Variants in IQGAP1 observed in about 807,000 individuals in gnomAD.
IQGAP1 encodes ras GTPase-activating-like protein IQGAP1.
In IQGAP1, 66 loss-of-function variants were observed where a neutral mutation model predicts 215.6. The observed-to-expected ratio is 0.31, with a 90% confidence interval of 0.25 to 0.38. The LOEUF is 0.38. IQGAP1 is among the 10% of genes least tolerant of loss of function. The pLI is 1.00. For missense variants in IQGAP1, 1,712 were observed against 1,997.1 expected (o/e 0.86, Z 2.72); for synonymous variants, 772 against 728.7 (o/e 1.06, Z -0.96).
In IQGAP1 at chr15:90,428,075, G is replaced by C. The variant is rs1025259708; in HGVS notation, c.313-1514G>C. ...GGTTTTTTTTGTTGTTGGTTGGTTG[G>C]TTGGTTTTTGTTTTGAGACAGGGAC... On this transcript the variant is annotated intron_variant, in intron 3 of 37. Transcript: ENST00000268182. Among the ~76,000 whole-genome samples, 5 of 152,120 alleles carry C rather than the reference G, an allele frequency of 3.3e-5. No individual in the cohort carries two copies. The East Asian group carries it at 9.7e-4, about 29-fold the overall frequency.
At chr15:90,484,151 T>C in intron 29 of IQGAP1, 69 bp from the exon 30 acceptor site, 1 of 1,432,152 alleles carries the variant, frequency 7.0e-7, no homozygotes, top group Non-Finnish European at 9.7e-7. Flanking sequence ...GAGAGGTTTG[T>C]GAAATGTCCT....
chr15:90,474,814 A>T, intron 23 of IQGAP1, 121 bp downstream of exon 23: 1 of 705,442 alleles, frequency 1.4e-6, no homozygotes, highest in Non-Finnish European at 2.4e-6. Context: ...CTGCCATAAG[A>T]GCTTTTTTTT....
At chr15:90,406,481 A>G (rs1964879813) in intron 2 of IQGAP1, among the ~76,000 whole-genome samples, 1 of 152,230 alleles carries the variant, frequency 6.6e-6, no homozygotes. Context: ...TTTTTGGTTG[A>G]TGAAAGTGTT....
intron 15 of IQGAP1, among the ~76,000 whole-genome samples, chr15:90,457,449 C>G (rs543768989): frequency 6.7e-6 from 1 of 150,342 alleles, no homozygotes; most frequent in Non-Finnish European, 1.5e-5. Flanking sequence ...TTTTTTGAGA[C>G]GGAGTCTTGC....
Position 90,473,935 on chromosome 15 carries a change from T to C in IQGAP1, c.2473T>C (p.Tyr825His), listed in dbSNP as rs775484981. ...LARMHQARKR[Y>H]RDRLQYFRDH... is the part of the protein sequence containing the mutation. Reference sequence around the variant, plus strand: ...AAGGATGCACCAAGCTCGAAAGCGCTATCGAGATCGCCTGCAGTACTTCCG... The same window carrying C: ...AAGGATGCACCAAGCTCGAAAGCGCCATCGAGATCGCCTGCAGTACTTCCG... Residue 825 changes from tyrosine to histidine, a missense_variant, in exon 21 of 38, where the codon TAT becomes CAT. Transcript: ENST00000268182. 1 of 1,614,056 alleles carries C rather than the reference T, an allele frequency of 6.2e-7. No homozygotes were observed. The highest frequency in any genetic ancestry group is 8.5e-7 in the Non-Finnish European group (1 of 1,180,010).
In IQGAP1 at chr15:90,429,615, T is replaced by C; in HGVS notation, c.339T>C (p.Thr113=). The part of the protein sequence containing the change: ...YKATGLHFRH[T]DNVIQWLNAM... ...CGACTGGCCTCCACTTTAGACACAC[T>C]GATAATGTGATTCAGTGGTTGAATG... is the stretch of plus-strand genomic sequence containing the variant. Residue 113 remains threonine (T), a synonymous_variant, in exon 4 of 38, where the codon ACT becomes ACC. Transcript: ENST00000268182. The C allele has an allele frequency of 6.2e-7, 1 of 1,608,544 alleles. No individual in the cohort carries two copies. The highest frequency in any genetic ancestry group is 8.5e-7 in the Non-Finnish European group (1 of 1,178,428).
intron 2 of IQGAP1, among the ~76,000 whole-genome samples, chr15:90,413,433 G>C (rs1452406014): frequency 6.6e-6 from 1 of 152,218 alleles, no homozygotes; most frequent in African/African-American, 2.4e-5. Context: ...AGAGAGAACT[G>C]AGCTCGCGGT....
chr15:90,417,055 G>T (rs1965062728), intron 2 of IQGAP1, among the ~76,000 whole-genome samples: 1 of 152,134 alleles, frequency 6.6e-6, no homozygotes, highest in Admixed American at 6.6e-5. Context: ...TTGTGATGGG[G>T]TTGTTTGTTT....
intron 33 of IQGAP1, among the ~76,000 whole-genome samples, chr15:90,490,958 G>A (rs1390749182): frequency 1.3e-5 from 2 of 152,114 alleles, no homozygotes; most frequent in African/African-American, 2.4e-5. Context: ...ACAGGCACTC[G>A]CCCCATGCTC....
Position 90,472,869 on chromosome 15 carries a change from T to C in IQGAP1, c.2208T>C (p.Tyr736=), listed in dbSNP as rs1173788995. The change falls in exon 19 of 38, where the codon TAT becomes TAC. Residue 736 remains tyrosine, a synonymous_variant. Transcript: ENST00000268182. ...CTATCTCTGGGGTGACTGCCGCATA[T>C]AACCGAGAACAGCTGTGGCTGGCCA... ...QSSISGVTAA[Y]NREQLWLANE... 1.2e-6 allele frequency: 2 copies of C among 1,613,500 alleles called. No individual in the cohort carries two copies. Among genetic ancestry groups the C allele is most frequent in the South Asian group, 1.1e-5 (1 of 91,048 alleles).
chr15:90,418,575 C>T (rs145362628), intron 2 of IQGAP1, among the ~76,000 whole-genome samples: 101 of 146,778 alleles, frequency 6.9e-4, no homozygotes, highest in Middle Eastern at 3.5e-3. Flanking sequence ...GGTGGCAGAG[C>T]GAGACACTGT....
intron 36 of IQGAP1, among the ~76,000 whole-genome samples, chr15:90,495,805 G>GT (rs1966264955): frequency 1.3e-5 from 2 of 149,552 alleles, no homozygotes; most frequent in Admixed American, 6.7e-5. Flanking sequence ...ACCCAGCTAA[G>GT]TTTTTGTATT....
intron 34 of IQGAP1, 145 bp from the exon 35 acceptor site, chr15:90,492,400 G>T: frequency 1.7e-6 from 1 of 595,978 alleles, no homozygotes; most frequent in East Asian, 3.2e-5. Context: ...GCACACTCGA[G>T]CCTGGGCAAC....
chr15:90,486,215 A>G (rs577628814), intron 31 of IQGAP1, 83 bp downstream of exon 31: 3 of 811,012 alleles, frequency 3.7e-6, no homozygotes, highest in East Asian at 5.4e-5. Context: ...TATTTTTTGC[A>G]CTATACCAAA....
intron 30 of IQGAP1, among the ~76,000 whole-genome samples, chr15:90,485,443 T>C (rs1966113599): frequency 6.6e-6 from 1 of 152,072 alleles, no homozygotes; most frequent in Non-Finnish European, 1.5e-5. Context: ...TTTGTTTGTT[T>C]TGTTTTGTTT....
intron 2 of IQGAP1, 54 bp downstream of exon 2, chr15:90,390,927 T>C: frequency 9.2e-7 from 1 of 1,082,424 alleles, no homozygotes; most frequent in South Asian, 1.2e-5. Context: ...GATAATAGTG[T>C]GAATACAAAT....
At position 90,481,993 on chromosome 15, in the gene IQGAP1, G is replaced by A. The variant is rs757661342; in HGVS notation, c.3363G>A (p.Ala1121=). The change falls in exon 27 of 38, where the codon GCG becomes GCA. Residue 1121 remains alanine, a synonymous_variant. Transcript: ENST00000268182. ...KLPYDVTPEQ[A]LAHEEVKTRL... ...CCTATGATGTGACCCCTGAGCAGGC[G>A]CTAGCTCATGAAGAAGTGAAGACAC... 19 of 1,614,186 alleles carry A rather than the reference G, an allele frequency of 1.2e-5. No individual in the cohort carries two copies. Among genetic ancestry groups the A allele is most frequent in the Middle Eastern group, 1.6e-4 (1 of 6,062 alleles).
Position 90,448,726 on chromosome 15 carries a change from A to AGAAGAGACAG in IQGAP1, c.1069_1077+1dup. The AGAAGAGACAG allele has an allele frequency of 6.3e-7, 1 of 1,589,830 alleles. No individual in the cohort carries two copies. On this transcript the variant is annotated frameshift_variant, in exon 10 of 38. Transcript: ENST00000268182. LOFTEE classifies it high-confidence loss of function. ...AAGCAGCTCCTGAGTGATAAACAGC[A>AGAAGAGACAG]GAAGAGACAGGTAAACATAGTCTGG... is the stretch of plus-strand genomic sequence containing the variant.
intron 14 of IQGAP1, among the ~76,000 whole-genome samples, chr15:90,454,860 A>G (rs1162771931): frequency 1.3e-5 from 2 of 152,192 alleles, no homozygotes; most frequent in Non-Finnish European, 2.9e-5. Context: ...GGTTGTAGGC[A>G]TGGTCCTCCA....
Sources: gnomAD v4.1 joint callset for allele counts (sites outside exome capture counted in the v4.1 genomes callset) on GRCh38, gnomAD v4.1.1 for gene constraint, MANE v1.5 for transcripts, NCBI Gene and HGNC (gene_info 2026-07-23, HGNC 2026-07-21) for gene names.